ASIP: variants seen among roughly 807,000 people sequenced by gnomAD.
The protein encoded by ASIP is agouti signaling protein.
ASIP carries 11 observed loss-of-function variants against 10.3 expected under a neutral mutation model. The ratio of observed to expected loss-of-function variants is 1.07; its 90% CI spans 0.68 to 1.78. The LOEUF is 1.78. ASIP is among the 40% of genes most tolerant of loss of function. ASIP has a pLI of 0.00. For synonymous variants in ASIP, 70 were observed against 70.8 expected (o/e 0.99, Z 0.06); for missense variants, 180 against 169.2 (o/e 1.06, Z -0.35).
intron 1 of ASIP, among the ~76,000 whole-genome samples, chr20:34,200,969 TTTCCTTCCTTCCTTCCTTCCTTCCTTCC>T (rs1179933802): frequency 1.4e-5 from 1 of 72,926 alleles, no homozygotes; most frequent in Non-Finnish European, 2.4e-5. Context: ...TCTTTCTTTC[TTTCCTTCCTTCCTTCCTTCCTTCCTTCC>T]TTCCTTCCTT....
At chr20:34,201,285 A>G (rs2034898489) in intron 1 of ASIP, among the ~76,000 whole-genome samples, 1 of 151,712 alleles carries the variant, frequency 6.6e-6, no homozygotes, top group South Asian at 2.1e-4. Flanking sequence ...TTCCTTATGA[A>G]CTCCTTGCCT....
At chr20:34,202,975 A>AT (rs2034910644) in intron 1 of ASIP, among the ~76,000 whole-genome samples, 1 of 151,560 alleles carries the variant, frequency 6.6e-6, no homozygotes, top group African/African-American at 2.4e-5. Context: ...CGCCCGGCTA[A>AT]TTTTTTGTAT....
At chr20:34,206,567 T>G (rs1481497204) in intron 1 of ASIP, among the ~76,000 whole-genome samples, 1 of 151,176 alleles carries the variant, frequency 6.6e-6, no homozygotes, top group African/African-American at 2.4e-5. Flanking sequence ...ATATACCACT[T>G]TTTTGTTTTT....
At chr20:34,209,888 CAG>C (rs2034962422) in intron 1 of ASIP, among the ~76,000 whole-genome samples, 1 of 152,158 alleles carries the variant, frequency 6.6e-6, no homozygotes, top group Non-Finnish European at 1.5e-5. Context: ...TCCCACAGAC[CAG>C]AGTGGGAAAT....
chr20:34,196,977 C>T lies in ASIP; in HGVS notation c.-11+2217C>T, dbSNP rs74565108. Among the ~76,000 whole-genome samples the T allele has an allele frequency of 1.9e-3, 288 of 150,362 alleles. 12 individuals are homozygous for T. In the East Asian group the frequency reaches 0.023, roughly 12 times the overall value. On this transcript the variant is annotated intron_variant, in intron 1 of 3. Coordinates refer to the ASIP transcript ENST00000568305. Reference sequence around the variant, plus strand: ...ATCAGCTTGAAGCAAAAATACTGAACTTAAACATTCTTTTTTTTTTTTTTT... The same window carrying T: ...ATCAGCTTGAAGCAAAAATACTGAATTTAAACATTCTTTTTTTTTTTTTTT...
intron 1 of ASIP, chr20:34,249,882 CACAG>C (rs1257758459): frequency 6.6e-6 from 1 of 152,220 alleles, no homozygotes; most frequent in Non-Finnish European, 1.5e-5. Flanking sequence ...CACAGTGTTT[CACAG>C]ACAATTTCAA....
intron 1 of ASIP, among the ~76,000 whole-genome samples, chr20:34,196,544 G>A (rs1219769734): frequency 4.6e-5 from 7 of 152,094 alleles, no homozygotes; most frequent in Admixed American, 2.0e-4. Context: ...CGGGCGGGAC[G>A]TCATCTTTGA....
intron 1 of ASIP, chr20:34,246,575 C>T (rs1276264011): frequency 6.5e-6 from 5 of 764,816 alleles, no homozygotes; most frequent in African/African-American, 1.7e-5. Flanking sequence ...AGCAATCCTC[C>T]CACCTCAGCC....
intron 1 of ASIP, among the ~76,000 whole-genome samples, chr20:34,255,826 C>G (rs1207643433): frequency 6.6e-6 from 1 of 152,146 alleles, no homozygotes; most frequent in Non-Finnish European, 1.5e-5. Context: ...CCTAGTGGAC[C>G]TTGGTCTAGT....
Position 34,258,674 on chromosome 20 carries a change from C to CATATATATATATATATAATATAT in ASIP, c.-10-1674_-10-1673insATATATATATATATATATATATA. ...AGTTAATATCTTAGAAGGGGGATGC[C>CATATATATATATATATAATATAT]ATATATATATATATATACATACTAT... is the stretch of plus-strand genomic sequence containing the variant. On this transcript the variant is annotated intron_variant, in intron 1 of 3. Transcript: ENST00000374954. Among the ~76,000 whole-genome samples the CATATATATATATATATAATATAT allele has an allele frequency of 1.6e-4, 2 of 12,154 alleles. 1 individual carries two copies. Among genetic ancestry groups the CATATATATATATATATAATATAT allele is most frequent in the Non-Finnish European group, 2.4e-4 (2 of 8,226 alleles). The allele number at this position is 12,154 out of a possible 152,430, so 8.0% of individuals were successfully genotyped here.
intron 1 of ASIP, chr20:34,234,834 A>C (rs2035157625): frequency 6.6e-6 from 1 of 152,150 alleles, no homozygotes; most frequent in Non-Finnish European, 1.5e-5. Context: ...AAACAACAAC[A>C]AACAGTTTAC....
intron 3 of ASIP, 76 bp from the exon 4 acceptor site, chr20:34,268,915 A>C: frequency 2.6e-6 from 4 of 1,512,768 alleles, no homozygotes; most frequent in Non-Finnish European, 3.6e-6. Flanking sequence ...CCCTAGCCCG[A>C]GGAGCTCCCA....
In ASIP at chr20:34,199,094, G is replaced by T. The variant is rs1293081180; in HGVS notation, c.-11+4334G>T. 8.6e-5 allele frequency among the ~76,000 whole-genome samples: 13 copies of T among 151,788 alleles called. 1 individual carries two copies. Among genetic ancestry groups the T allele is most frequent in the Admixed American group, 8.5e-4 (13 of 15,232 alleles). On this transcript the variant is annotated intron_variant, in intron 1 of 3. Transcript: ENST00000568305. Reference sequence around the variant, plus strand: ...GTGAGATTCATTTATGTTGTATATGGTAATATTTTATTTGTTCTCATTATT... The same window carrying T: ...GTGAGATTCATTTATGTTGTATATGTTAATATTTTATTTGTTCTCATTATT...
At chr20:34,216,691 A>G (rs1239196016) in intron 1 of ASIP, among the ~76,000 whole-genome samples, 3 of 152,142 alleles carry the variant, frequency 2.0e-5, no homozygotes, top group Admixed American at 6.5e-5. Context: ...CCTTTGCCTC[A>G]CTGAATTGAT....
rs4987044 is a variant in ASIP, at chr20:34,260,314, T to C, written c.-10-51T>C. On this transcript the variant is annotated intron_variant, in intron 1 of 3. Transcript: ENST00000374954. Reference sequence around the variant, plus strand: ...AGCACAAAGAAAGCAGGAAGGCCTCTTACCATTACCCCTGACCCACCCACC... The same window carrying C: ...AGCACAAAGAAAGCAGGAAGGCCTCCTACCATTACCCCTGACCCACCCACC... 8.3e-4 allele frequency: 1,282 copies of C among 1,542,718 alleles called. 4 individuals carry two copies. The highest frequency in any genetic ancestry group is 7.4e-3 in the Middle Eastern group (39 of 5,288).
intron 1 of ASIP, among the ~76,000 whole-genome samples, chr20:34,203,847 C>T (rs1034030627): frequency 5.3e-5 from 8 of 152,244 alleles, no homozygotes; most frequent in Admixed American, 4.6e-4. Context: ...CCTTAGCCTC[C>T]CAAGTAGCTG....
the ASIP span, among the ~76,000 whole-genome samples, chr20:34,186,651 A>G: frequency 3.7e-3 from 568 of 152,242 alleles, 5 homozygotes; most frequent in African/African-American, 0.012. Flanking sequence ...TGGAAAGAAA[A>G]TGGGCCACTG....
rs1197679346 is a variant in ASIP, at chr20:34,214,862, G to C, written c.-11+20102G>C. 1.2e-5 allele frequency: 19 copies of C among 1,602,644 alleles called. No individual in the cohort carries two copies. In the Admixed American group the frequency reaches 3.0e-4, roughly 25 times the overall value. On this transcript the variant is annotated intron_variant, in intron 1 of 3. Coordinates refer to the ASIP transcript ENST00000568305. ...ATATCATCATCCTCATGAATTAGTA[G>C]CTGCAACATCAGTGCCACTTTTGTT...
Position 34,211,056 on chromosome 20 carries a change from C to G in ASIP, c.-11+16296C>G, listed in dbSNP as rs6059720. ...CTTTTTTAAAGAGACAGGTCTTGCT[C>G]TGTCATCCAGGCTGGAGTACAGTAG... is the stretch of plus-strand genomic sequence containing the variant. On this transcript the variant is annotated intron_variant, in intron 1 of 3. Transcript: ENST00000568305. Among the ~76,000 whole-genome samples, 755 of 152,272 alleles carry G rather than the reference C, an allele frequency of 5.0e-3. 4 individuals carry two copies. Among genetic ancestry groups the G allele is most frequent in the African/African-American group, 0.017 (708 of 41,548 alleles).
Sources: allele counts gnomAD v4.1 joint callset (sites outside exome capture counted in the v4.1 genomes callset), GRCh38; gene constraint gnomAD v4.1.1; transcripts MANE v1.5; gene names NCBI Gene and HGNC (gene_info 2026-07-23, HGNC 2026-07-21).